The following GRM7 variants were observed in gnomAD, a reference collection of about 807,000 sequenced individuals.
The protein encoded by GRM7 is glutamate metabotropic receptor 7.
GRM7 carries 35 observed loss-of-function variants against 84.5 expected under a neutral mutation model. That is an observed-to-expected ratio of 0.41 (90% CI 0.32 to 0.55). The LOEUF is 0.55. Ranked by LOEUF, GRM7 falls within the 20% of genes least tolerant of loss-of-function variation. GRM7 has a pLI of 0.19. For missense variants in GRM7, 1,003 were observed against 1,194.6 expected (o/e 0.84, Z 2.36); for synonymous variants, 487 against 455.1 (o/e 1.07, Z -0.89).
intron 2 of GRM7, among the ~76,000 whole-genome samples, chr3:7,235,334 TG>T (rs1697316175): frequency 6.6e-6 from 1 of 152,232 alleles, no homozygotes; most frequent in South Asian, 2.1e-4. Flanking sequence ...TCCTTGTATT[TG>T]GTACAGCATT....
intron 4 of GRM7, among the ~76,000 whole-genome samples, chr3:7,333,763 G>GA (rs1380416324): frequency 1.3e-5 from 2 of 151,106 alleles, no homozygotes; most frequent in African/African-American, 2.4e-5. Context: ...ATATTATAAA[G>GA]AAAAAACAAT....
chr3:7,679,043 G>C (rs897936556), intron 8 of GRM7, among the ~76,000 whole-genome samples: 5 of 152,174 alleles, frequency 3.3e-5, no homozygotes, highest in African/African-American at 1.2e-4. Flanking sequence ...AAGATACTGA[G>C]TGCATAATTA....
chr3:7,530,158 G>A (rs1320362604), intron 7 of GRM7, among the ~76,000 whole-genome samples: 2 of 126,782 alleles, frequency 1.6e-5, no homozygotes, highest in African/African-American at 5.9e-5. Context: ...TGTTCTCATT[G>A]TTCAACTCCC....
At chr3:7,563,933 T>C (rs949972944) in intron 7 of GRM7, among the ~76,000 whole-genome samples, 1 of 152,156 alleles carries the variant, frequency 6.6e-6, no homozygotes, top group Non-Finnish European at 1.5e-5. Context: ...TGGGCTTACA[T>C]TCAGGTGGAG....
At chr3:7,442,199 C>G (rs984137175) in intron 5 of GRM7, among the ~76,000 whole-genome samples, 1 of 151,932 alleles carries the variant, frequency 6.6e-6, no homozygotes, top group Non-Finnish European at 1.5e-5. Flanking sequence ...TTTCACCTCC[C>G]TGGTTAGCTA....
At chr3:7,329,648 C>G (rs1011059198) in intron 4 of GRM7, among the ~76,000 whole-genome samples, 2 of 152,020 alleles carry the variant, frequency 1.3e-5, no homozygotes, top group African/African-American at 4.8e-5. Context: ...TTTCAACAGT[C>G]TTATATTTCT....
chr3:7,051,156 G>T (rs1264841113), intron 1 of GRM7, among the ~76,000 whole-genome samples: 1 of 151,744 alleles, frequency 6.6e-6, no homozygotes, highest in Non-Finnish European at 1.5e-5. Flanking sequence ...AGGAAACCAG[G>T]ATTTACAATA....
intron 1 of GRM7, among the ~76,000 whole-genome samples, chr3:7,113,058 GAA>G (rs1278900343): frequency 6.6e-6 from 1 of 151,984 alleles, no homozygotes; most frequent in East Asian, 1.9e-4. Flanking sequence ...GATTCCAAGG[GAA>G]AAAAAGTGAT....
chr3:7,741,000 A>G lies in GRM7; in HGVS notation c.*594A>G, dbSNP rs1036194016. 1.4e-5 allele frequency: 2 copies of G among 146,056 alleles called. No homozygotes were observed. Among genetic ancestry groups the G allele is most frequent in the African/African-American group, 5.3e-5 (2 of 37,998 alleles). 9.0% of individuals were successfully genotyped at this position (146,056 alleles called of 1,614,324 possible). On this transcript the variant is annotated 3_prime_UTR_variant, in exon 10 of 10. Coordinates refer to ENST00000357716, the MANE Select transcript of GRM7 (RefSeq NM_000844.4). The stretch of plus-strand genomic sequence containing the variant: ...AATTACGATTATAGTACCACTGCAC[A>G]TCATGTTTTTTTTTTTAAGACAAAA...
At chr3:7,701,476 GTA>G (rs1443323438) in intron 9 of GRM7, among the ~76,000 whole-genome samples, 3 of 151,720 alleles carry the variant, frequency 2.0e-5, no homozygotes, top group African/African-American at 7.3e-5. Context: ...GATTTTTGTT[GTA>G]TGTTTTAGTA....
At chr3:7,102,319 T>C (rs1195187679) in intron 1 of GRM7, among the ~76,000 whole-genome samples, 1 of 151,792 alleles carries the variant, frequency 6.6e-6, no homozygotes, top group Non-Finnish European at 1.5e-5. Flanking sequence ...ATGTGGGATT[T>C]TGGTTAATAA....
At chr3:7,209,905 C>T (rs972102985) in intron 2 of GRM7, among the ~76,000 whole-genome samples, 19 of 152,192 alleles carry the variant, frequency 1.2e-4, no homozygotes, top group African/African-American at 4.3e-4. Flanking sequence ...AGGCCTGTCT[C>T]ACCTCTCAAG....
At chr3:7,330,665 G>C (rs142254608) in intron 4 of GRM7, among the ~76,000 whole-genome samples, 1 of 152,122 alleles carries the variant, frequency 6.6e-6, no homozygotes, top group Non-Finnish European at 1.5e-5. Context: ...CCTGCCTGCC[G>C]CCATGTAAGA....
intron 4 of GRM7, among the ~76,000 whole-genome samples, chr3:7,354,690 G>A (rs1448085837): frequency 1.3e-5 from 2 of 152,120 alleles, no homozygotes; most frequent in Non-Finnish European, 2.9e-5. Context: ...CTGAAGAATG[G>A]CAGTGAATTG....
chr3:7,402,550 G>T (rs868177933), intron 4 of GRM7, among the ~76,000 whole-genome samples: 1 of 152,058 alleles, frequency 6.6e-6, no homozygotes, highest in Non-Finnish European at 1.5e-5. Flanking sequence ...GTCTTAATAT[G>T]CCAGAAAGAC....
At chr3:7,270,244 C>A (rs1698803800) in intron 2 of GRM7, among the ~76,000 whole-genome samples, 1 of 81,492 alleles carries the variant, frequency 1.2e-5, no homozygotes, top group South Asian at 5.5e-4. Flanking sequence ...CCAGGGACCT[C>A]TGATCTGTGC....
intron 9 of GRM7, among the ~76,000 whole-genome samples, chr3:7,684,542 A>G (rs1027911760): frequency 1.3e-5 from 2 of 151,844 alleles, no homozygotes; most frequent in African/African-American, 4.8e-5. Flanking sequence ...TACTCATCCA[A>G]CTCCACACTG....
chr3:7,106,643 G>A (rs1237650745), intron 1 of GRM7, among the ~76,000 whole-genome samples: 1 of 151,942 alleles, frequency 6.6e-6, no homozygotes, highest in Non-Finnish European at 1.5e-5. Flanking sequence ...GACTAATTTG[G>A]CACTAGGTCC....
chr3:7,515,966 G>A (rs1231923503), intron 7 of GRM7, among the ~76,000 whole-genome samples: 3 of 151,818 alleles, frequency 2.0e-5, no homozygotes, highest in Non-Finnish European at 4.4e-5. Flanking sequence ...AACATAGGGA[G>A]ACCCTGTCTC....
Sources: gnomAD v4.1 joint callset for allele counts (sites outside exome capture counted in the v4.1 genomes callset) on GRCh38, gnomAD v4.1.1 for gene constraint, MANE v1.5 for transcripts, NCBI Gene and HGNC (gene_info 2026-07-23, HGNC 2026-07-21) for gene names.